Variants in AGRN observed in about 807,000 individuals in gnomAD.
AGRN encodes the protein agrin proteoglycan.
AGRN carries 106 observed loss-of-function variants against 211.0 expected under a neutral mutation model. The ratio of observed to expected loss-of-function variants is 0.50; its 90% CI spans 0.43 to 0.59. The LOEUF (loss-of-function observed/expected upper bound fraction) is 0.59. Among genes scored for constraint, AGRN ranks in the 20% least tolerant of loss-of-function variants. The pLI is 0.00. For synonymous variants in AGRN, 1,525 were observed against 1,332.5 expected, an observed-to-expected ratio of 1.14 and a Z score of -3.15; for missense variants, 3,040 against 2,982.6, an observed-to-expected ratio of 1.02 and a Z score of -0.45.
At chr1:1,034,512 C>T (rs997541589) in intron 2 of AGRN, 1 of 985,896 alleles carries the variant, frequency 1.0e-6, no homozygotes, top group East Asian at 1.1e-4. Context: ...CCGTGAGGAG[C>T]CCCCACGCTC....
In AGRN at chr1:1,048,600, G is replaced by C; in HGVS notation, c.4105+235G>C. 1.7e-6 allele frequency: 1 copy of C among 591,716 alleles called. No homozygotes were observed. Among genetic ancestry groups the C allele is most frequent in the South Asian group, 2.2e-5 (1 of 45,004 alleles). The allele number at this position is 591,716 out of a possible 1,614,324, so 36.7% of individuals were successfully genotyped here. ...AGCCTGACCAACATGGAGACACTCT[G>C]TCTCTACTAAAAATACAAAATTAGC... is the stretch of plus-strand genomic sequence containing the variant. On this transcript the variant is annotated intron_variant, in intron 23 of 35. Transcript: ENST00000379370. This position sits in a 1 kb window ranked among gnomAD's most constrained non-coding sequence, Gnocchi z 5.9.
rs1224067877 is a variant in AGRN at position 1,041,488 on chromosome 1, G to A, written c.963G>A (p.Gln321=). Residue 321 remains glutamine (Q), a synonymous_variant, in exon 6 of 36, where the codon CAG becomes CAA. Transcript: ENST00000379370. Reference sequence around the variant, plus strand: ...GCCCTCGACCCCCAGACCCCTGTCAGGGCGCCCTCCCTGACCCGAGCCGCA... The same window carrying A: ...GCCCTCGACCCCCAGACCCCTGTCAAGGCGCCCTCCCTGACCCGAGCCGCA... ...KKFDGPCDPC[Q]GALPDPSRSC... 1.9e-6 allele frequency: 3 copies of A among 1,594,270 alleles called. No individual in the cohort carries two copies. The South Asian group carries it at 3.3e-5, about 18-fold the overall frequency.
Position 1,045,730 on chromosome 1 carries a change from A to G in AGRN, c.2537-3A>G. 6.2e-7 allele frequency: 1 copy of G among 1,613,276 alleles called. No homozygotes were observed. The highest frequency in any genetic ancestry group is 8.5e-7 in the Non-Finnish European group (1 of 1,179,934). On this transcript the variant is annotated splice_polypyrimidine_tract_variant and splice_region_variant and intron_variant, in intron 14 of 35. Coordinates refer to ENST00000379370, the MANE Select transcript of AGRN (RefSeq NM_198576.4). Reference sequence around the variant, plus strand: ...TCACGTTCCTCCCCGATTTTCCCCAAAGCCTGCAGCTGTGATCCCCAAGGC... The same window carrying G: ...TCACGTTCCTCCCCGATTTTCCCCAGAGCCTGCAGCTGTGATCCCCAAGGC...
chr1:1,055,306 C>T lies in AGRN; in HGVS notation c.*325C>T, dbSNP rs1285842185. 4.9e-5 allele frequency: 20 copies of T among 408,718 alleles called. No homozygotes were observed. Among genetic ancestry groups the T allele is most frequent in the South Asian group, 2.1e-4 (10 of 48,130 alleles). 25.3% of individuals were successfully genotyped at this position (408,718 alleles called of 1,614,324 possible). A position where few individuals can be genotyped will look rare whatever the true frequency, so the allele number is the denominator to read the frequency against. On this transcript the variant is annotated 3_prime_UTR_variant, in exon 36 of 36. Coordinates refer to ENST00000379370, the MANE Select transcript of AGRN (RefSeq NM_198576.4). ...CCTGAATCACCCTCGCTCCGTCAGG[C>T]GGGACTCGTGTCCCAGAGAGGAAGG...
chr1:1,051,184 C>T, intron 30 of AGRN, 69 bp from the exon 31 acceptor site: 8 of 1,529,292 alleles, frequency 5.2e-6, no homozygotes, highest in Non-Finnish European at 7.1e-6. Context: ...CGGGTGCGTG[C>T]AGGTGCCTGG....
At chr1:1,052,347 G>A (rs1645320811) in intron 33 of AGRN, 2 of 344,948 alleles carry the variant, frequency 5.8e-6, no homozygotes, top group South Asian at 2.2e-5. Context: ...TGGAGTGGAT[G>A]TGCAAGTGTG....
At position 1,047,006 on chromosome 1, in the gene AGRN, C is replaced by T. The variant is rs748395610; in HGVS notation, c.3388+49C>T. On this transcript the variant is annotated intron_variant, in intron 19 of 35. Coordinates refer to ENST00000379370, the MANE Select transcript of AGRN (RefSeq NM_198576.4). Reference sequence around the variant, plus strand: ...GAGTGTGAGGATAGCCTGGGCTCGGCCGAGGTGCTGCCCCCTCGCCTGGGC... The same window carrying T: ...GAGTGTGAGGATAGCCTGGGCTCGGTCGAGGTGCTGCCCCCTCGCCTGGGC... The T allele has an allele frequency of 3.0e-5, 46 of 1,552,724 alleles. 1 individual carries two copies. In the South Asian group the frequency reaches 4.5e-4, roughly 15 times the overall value.
chr1:1,020,717 G>A (rs1189043820), intron 1 of AGRN, among the ~76,000 whole-genome samples: 2 of 152,148 alleles, frequency 1.3e-5, no homozygotes, highest in Admixed American at 1.3e-4. Context: ...GCGGGGGCTG[G>A]GCCTGGGATC....
At chr1:1,030,496 C>T (rs111203424) in intron 2 of AGRN, among the ~76,000 whole-genome samples, 859 of 9,016 alleles carry the variant, frequency 0.095, 163 homozygotes, top group African/African-American at 0.23. Flanking sequence ...GTGAGATCAG[C>T]GTGTGTGTGC....
chr1:1,022,598 C>T, intron 2 of AGRN, 136 bp downstream of exon 2: 3 of 797,196 alleles, frequency 3.8e-6, no homozygotes, highest in Non-Finnish European at 3.9e-6. Flanking sequence ...TGTGGTCCAA[C>T]CTCATTCTCT....
intron 33 of AGRN, chr1:1,052,569 C>T (rs9697579): frequency 4.3e-5 from 8 of 188,080 alleles, no homozygotes; most frequent in Admixed American, 5.7e-5. Context: ...GAGGGAGACA[C>T]GCAGGTGTGT....
chr1:1,051,719 A>G lies in AGRN; in HGVS notation c.5564-9A>G, dbSNP rs1645298070. ...CACGAGGCCCCACCCTCACCTGCCT[A>G]TCTCACAGGGCTGGTGGAGAAGTCA... On this transcript the variant is annotated splice_polypyrimidine_tract_variant and intron_variant, in intron 32 of 35. Transcript: ENST00000379370. 1.9e-6 allele frequency: 3 copies of G among 1,613,510 alleles called. No individual in the cohort carries two copies. The highest frequency in any genetic ancestry group is 2.5e-6 in the Non-Finnish European group (3 of 1,179,962).
intron 2 of AGRN, among the ~76,000 whole-genome samples, chr1:1,023,734 C>T (rs1644460199): frequency 6.6e-6 from 1 of 152,178 alleles, no homozygotes. Context: ...GGGCACATGG[C>T]AGGAGAGTCA....
At position 1,049,777 on chromosome 1, in the gene AGRN, TG is replaced by T; in HGVS notation, c.4727del (p.Cys1576SerfsTer73). 6.3e-7 allele frequency: 1 copy of T among 1,590,834 alleles called. No individual in the cohort carries two copies. Among genetic ancestry groups the T allele is most frequent in the Non-Finnish European group, 8.5e-7 (1 of 1,169,696 alleles). On this transcript the variant is annotated frameshift_variant, in exon 26 of 36. Transcript: ENST00000379370. LOFTEE classifies it high-confidence loss of function. The part of the protein sequence containing the change: ...NLEAGRFHCQ[C>X]PPGRVGPTCA... Reference sequence around the variant, plus strand: ...GGAGGCTGGAAGGTTCCATTGCCAGTGCCCGCCCGGCCGCGTCGGTGAGGGT... The same window carrying T: ...GGAGGCTGGAAGGTTCCATTGCCAGTCCCGCCCGGCCGCGTCGGTGAGGGT...
chr1:1,050,622 T>TGGGGCACTGGCCCGGGGCC (rs775641624), intron 29 of AGRN, 31 bp downstream of exon 29: 1 of 1,604,934 alleles, frequency 6.2e-7, no homozygotes, highest in South Asian at 1.1e-5. Context: ...CTGGGAGGCC[T>TGGGGCACTGGCCCGGGGCC]GGGGCACTGG....
chr1:1,047,225 A>G (rs1645124268), intron 19 of AGRN, 102 bp from the exon 20 acceptor site: 12 of 1,509,990 alleles, frequency 7.9e-6, no homozygotes, highest in Non-Finnish European at 1.1e-5. Context: ...ACTAACATCC[A>G]CCTTCCCTTG....
chr1:1,031,183 CTGAG>C lies in AGRN; in HGVS notation c.464-4091_464-4088del, dbSNP rs1323045305. On this transcript the variant is annotated intron_variant, in intron 2 of 35. Transcript: ENST00000379370. The surrounding 1 kb of genome is among the most constrained non-coding windows in gnomAD (Gnocchi z 4.8). ...GATTGTGTGTGTGCAGTGCATGGTG[CTGAG>C]TGTGAGATCAGCATGTGTGTGTGCA... 7.9e-6 allele frequency among the ~76,000 whole-genome samples: 1 copy of C among 125,836 alleles called. No homozygotes were observed. The highest frequency in any genetic ancestry group is 8.5e-5 in the Admixed American group (1 of 11,710). 82.6% of individuals were successfully genotyped at this position (125,836 alleles called of 152,430 possible). A position where few individuals can be genotyped will look rare whatever the true frequency, so the allele number is the denominator to read the frequency against.
At chr1:1,030,556 C>CTG (rs762723965) in intron 2 of AGRN, among the ~76,000 whole-genome samples, 1 of 78,686 alleles carries the variant, frequency 1.3e-5, no homozygotes, top group African/African-American at 4.8e-5. Context: ...GCGCATGGTG[C>CTG]TGAGAGATCA....
rs768890712 is a variant in AGRN, at chr1:1,050,077, G to C, written c.4879+40G>C. ...GCTCTCGGGGCAGGGGGGGGGGGGG[G>C]GTTGAACGTTTGGGCGGGTACAGGT... On this transcript the variant is annotated intron_variant, in intron 27 of 35. Transcript: ENST00000379370. 1.3e-4 allele frequency: 194 copies of C among 1,518,966 alleles called. 1 individual carries two copies. The highest frequency in any genetic ancestry group is 1.2e-4 in the Admixed American group (6 of 51,156). 94.1% of individuals were successfully genotyped at this position (1,518,966 alleles called of 1,614,324 possible).
Sources: allele counts gnomAD v4.1 joint callset (sites outside exome capture counted in the v4.1 genomes callset), GRCh38; gene constraint gnomAD v4.1.1; non-coding constraint Gnocchi (gnomAD v3.1); transcripts MANE v1.5; gene names NCBI Gene and HGNC (gene_info 2026-07-23, HGNC 2026-07-21).